Variants in GOT1 observed in about 807,000 individuals in gnomAD.
GOT1 encodes glutamic-oxaloacetic transaminase 1, also known as aspartate aminotransferase, cytoplasmic.
A neutral mutation model predicts 48.2 loss-of-function variants in GOT1; 25 were observed. The ratio of observed to expected loss-of-function variants is 0.52; its 90% CI spans 0.38 to 0.72. GOT1 has a LOEUF of 0.72. GOT1 is among the 30% of genes least tolerant of loss of function. The pLI, the probability that GOT1 is intolerant of heterozygous loss-of-function variation, is 0.00. For missense variants in GOT1, 380 were observed against 520.1 expected (o/e 0.73, Z 2.62); for synonymous variants, 188 against 193.8 (o/e 0.97, Z 0.25).
chr10:99,411,411 T>C (rs2032826771), intron 2 of GOT1, among the ~76,000 whole-genome samples: 1 of 152,224 alleles, frequency 6.6e-6, no homozygotes, highest in African/African-American at 2.4e-5. Flanking sequence ...TCTGGAAATG[T>C]TGAATCTGGA....
chr10:99,417,095 C>A (rs1182069222), intron 2 of GOT1, among the ~76,000 whole-genome samples: 4 of 152,042 alleles, frequency 2.6e-5, no homozygotes, highest in East Asian at 1.9e-4. Flanking sequence ...TAATTAAACT[C>A]AAGAGCTTCT....
Position 99,405,520 on chromosome 10 carries a change from GACACACACAC to G in GOT1, c.642+226_642+235del, listed in dbSNP as rs138777645. On this transcript the variant is annotated intron_variant, in intron 5 of 8. Transcript: ENST00000370508. ...TTTGTAAAACATATACATAAAACTA[GACACACACAC>G]ACACACACACACACACACACACACA... Among the ~76,000 whole-genome samples, 138 of 143,590 alleles carry G rather than the reference GACACACACAC, an allele frequency of 9.6e-4. 2 individuals carry two copies. In the South Asian group the frequency reaches 0.029, roughly 30 times the overall value. The allele number at this position is 143,590 out of a possible 152,430, so 94.2% of individuals were successfully genotyped here.
chr10:99,405,314 G>T (rs1034302668), intron 5 of GOT1, among the ~76,000 whole-genome samples: 1 of 152,010 alleles, frequency 6.6e-6, no homozygotes, highest in African/African-American at 2.4e-5. Context: ...CAAGCAATCT[G>T]AAGTAAACCT....
intron 2 of GOT1, among the ~76,000 whole-genome samples, chr10:99,407,657 C>A (rs2032778811): frequency 1.3e-5 from 2 of 152,056 alleles, no homozygotes; most frequent in Non-Finnish European, 2.9e-5. Context: ...TGGTCTCGAA[C>A]TCCTGACCTT....
intron 1 of GOT1, among the ~76,000 whole-genome samples, chr10:99,423,127 G>A (rs983738791): frequency 2.0e-5 from 3 of 152,158 alleles, no homozygotes; most frequent in African/African-American, 7.2e-5. Flanking sequence ...GTTTAAGAGC[G>A]TTTGCTTCCA....
chr10:99,416,951 T>C (rs1169499836), intron 2 of GOT1, among the ~76,000 whole-genome samples: 2 of 152,188 alleles, frequency 1.3e-5, no homozygotes, highest in Admixed American at 6.5e-5. Context: ...AAGACTTAAA[T>C]GTTAGACCTA....
At position 99,420,049 on chromosome 10, in the gene GOT1, T is replaced by C. The variant is rs1469601543; in HGVS notation, c.300+575A>G. On this transcript the variant is annotated intron_variant, in intron 2 of 8. Coordinates refer to ENST00000370508, the MANE Select transcript of GOT1 (RefSeq NM_002079.3). ...AGAATATTAGAACTGGCAGGGACTT[T>C]AGACAGCATCTACTAGTAGCTCCTG... Among the ~76,000 whole-genome samples the C allele has an allele frequency of 2.0e-5, 3 of 152,364 alleles. No homozygotes were observed. In the East Asian group the frequency reaches 5.8e-4, roughly 29 times the overall value.
In GOT1 at chr10:99,397,034, C is replaced by T. The variant is rs2134093350; in HGVS notation, c.*513G>A. The T allele has an allele frequency of 6.4e-6, 1 of 155,944 alleles. No homozygotes were observed. Among genetic ancestry groups the T allele is most frequent in the South Asian group, 2.0e-4 (1 of 5,108 alleles). The allele number at this position is 155,944 out of a possible 1,614,324, so 9.7% of individuals were successfully genotyped here. ...GTGCATGTCATGATTAAATATCCTT[C>T]TTACCACAGTCACCCTAAAGAACCA... On this transcript the variant is annotated 3_prime_UTR_variant, in exon 9 of 9. Coordinates refer to ENST00000370508, the MANE Select transcript of GOT1 (RefSeq NM_002079.3). The surrounding 1 kb of genome is among the most constrained non-coding windows in gnomAD (Gnocchi z 5.4).
At chr10:99,414,048 G>C (rs1176041986) in intron 2 of GOT1, among the ~76,000 whole-genome samples, 3 of 152,044 alleles carry the variant, frequency 2.0e-5, no homozygotes, top group East Asian at 1.9e-4. Context: ...AGCAAAATAA[G>C]CAGCTAACAT....
intron 2 of GOT1, among the ~76,000 whole-genome samples, chr10:99,413,847 A>G (rs2032859100): frequency 6.6e-6 from 1 of 152,218 alleles, no homozygotes; most frequent in Non-Finnish European, 1.5e-5. Context: ...ACTAAGCTTC[A>G]TAAGTGAAGG....
intron 2 of GOT1, among the ~76,000 whole-genome samples, chr10:99,407,052 G>A (rs1564970432): frequency 6.6e-6 from 1 of 152,216 alleles, no homozygotes; most frequent in Non-Finnish European, 1.5e-5. Context: ...CTGAGGCTGA[G>A]AGAGGTGAAG....
chr10:99,400,623 C>A (rs906867627), intron 8 of GOT1, among the ~76,000 whole-genome samples: 16 of 150,838 alleles, frequency 1.1e-4, no homozygotes, highest in South Asian at 4.2e-4. Flanking sequence ...GGTGACAGAG[C>A]GAGACCGTGT....
Position 99,403,743 on chromosome 10 carries a change from G to A in GOT1, c.774C>T (p.Ser258=). 7 of 1,614,184 alleles carry A rather than the reference G, an allele frequency of 4.3e-6. No individual in the cohort carries two copies. The highest frequency in any genetic ancestry group is 1.1e-5 in the South Asian group (1 of 91,078). The change falls in exon 6 of 9, where the codon TCC becomes TCT. Residue 258 remains serine, a synonymous_variant. Transcript: ENST00000370508. ...GFEFFCAQSF[S]KNFGLYNERV... is the part of the protein sequence containing the mutation. ...ACTCACTGTAGAGCCCGAAGTTCTT[G>A]GAGAAGGACTGGGCACAGAAGAACT...
At chr10:99,414,522 A>G (rs1020062690) in intron 2 of GOT1, among the ~76,000 whole-genome samples, 16 of 152,194 alleles carry the variant, frequency 1.1e-4, no homozygotes, top group African/African-American at 3.9e-4. Context: ...TCAACATTAG[A>G]CAGATCAATG....
intron 8 of GOT1, among the ~76,000 whole-genome samples, chr10:99,398,312 T>C (rs932176966): frequency 2.6e-5 from 4 of 152,244 alleles, no homozygotes; most frequent in Non-Finnish European, 5.9e-5. Context: ...AGAGACTACC[T>C]GTACTTCCTT....
chr10:99,416,556 T>C (rs1359392027), intron 2 of GOT1, among the ~76,000 whole-genome samples: 1 of 152,218 alleles, frequency 6.6e-6, no homozygotes, highest in Non-Finnish European at 1.5e-5. Flanking sequence ...CCCATCAACC[T>C]ACCAATGACT....
chr10:99,406,337 C>A, intron 3 of GOT1, 88 bp from the exon 4 acceptor site: 1 of 902,674 alleles, frequency 1.1e-6, no homozygotes, highest in South Asian at 1.4e-5. Flanking sequence ...CAGGGCCCTC[C>A]CAGGCTCAAT....
chr10:99,413,412 C>T (rs1275330626), intron 2 of GOT1, among the ~76,000 whole-genome samples: 2 of 152,180 alleles, frequency 1.3e-5, no homozygotes, highest in South Asian at 2.1e-4. Flanking sequence ...AAGAAACGAA[C>T]AAAGCCTCCA....
rs192345959 is a variant in GOT1, at chr10:99,420,495, G to A, written c.300+129C>T. Reference sequence around the variant, plus strand: ...TTTGCGCTATCAGGTTCCTGAACTCGCGCTACAGAAACACTTATTCATTGG... The same window carrying A: ...TTTGCGCTATCAGGTTCCTGAACTCACGCTACAGAAACACTTATTCATTGG... On this transcript the variant is annotated intron_variant, in intron 2 of 8. Coordinates refer to ENST00000370508, the MANE Select transcript of GOT1 (RefSeq NM_002079.3). 8 of 692,668 alleles carry A rather than the reference G, an allele frequency of 1.2e-5. 1 individual carries two copies. The highest frequency in any genetic ancestry group is 4.0e-5 in the South Asian group (2 of 50,078). The allele number at this position is 692,668 out of a possible 1,614,324, so 42.9% of individuals were successfully genotyped here. A position where few individuals can be genotyped will look rare whatever the true frequency, so the allele number is the denominator to read the frequency against.
Sources: allele counts gnomAD v4.1 joint callset (sites outside exome capture counted in the v4.1 genomes callset), GRCh38; gene constraint gnomAD v4.1.1; non-coding constraint Gnocchi (gnomAD v3.1); transcripts MANE v1.5; gene names NCBI Gene and HGNC (gene_info 2026-07-23, HGNC 2026-07-21).